PALLD: variants seen among roughly 807,000 people sequenced by gnomAD.
PALLD encodes palladin.
In PALLD, 61 loss-of-function variants were observed where a neutral mutation model predicts 123.5. The ratio of observed to expected loss-of-function variants is 0.49; its 90% CI spans 0.40 to 0.61. The LOEUF (loss-of-function observed/expected upper bound fraction) is 0.61. PALLD is among the 20% of genes least tolerant of loss of function. The probability of loss-of-function intolerance (pLI) is 0.00; values close to 1 mark genes in which losing one functional copy is unlikely to be tolerated. For missense variants in PALLD, 1,273 were observed against 1,377.0 expected, an observed-to-expected ratio of 0.92 and a Z score of 1.20; for synonymous variants, 465 against 496.4, an observed-to-expected ratio of 0.94 and a Z score of 0.84.
At chr4:168,827,033 G>A (rs1743512495) in intron 10 of PALLD, among the ~76,000 whole-genome samples, 1 of 152,116 alleles carries the variant, frequency 6.6e-6, no homozygotes, top group Admixed American at 6.5e-5. Context: ...TCGTAGCGTG[G>A]CCTTTCTTTA....
rs1372640336 is a variant in PALLD, at chr4:168,671,488, C to T, written c.1087+3120C>T. ...TGGGTACCTCTGACTATAGATAGATCGTATGTGACTTTAGATAAATTGAAG... is the reference window on the plus strand; with the variant it reads ...TGGGTACCTCTGACTATAGATAGATTGTATGTGACTTTAGATAAATTGAAG... On this transcript the variant is annotated intron_variant, in intron 3 of 21. Coordinates refer to ENST00000505667, the MANE Select transcript of PALLD (RefSeq NM_001166108.2). Among the ~76,000 whole-genome samples the T allele has an allele frequency of 3.9e-5, 6 of 152,068 alleles. No individual in the cohort carries two copies. The East Asian group carries it at 5.8e-4, about 15-fold the overall frequency.
At chr4:168,636,306 A>G (rs1401231343) in intron 2 of PALLD, among the ~76,000 whole-genome samples, 2 of 152,160 alleles carry the variant, frequency 1.3e-5, no homozygotes, top group Admixed American at 1.3e-4. Flanking sequence ...TGGGCAACAT[A>G]GTGAGACCCC....
At chr4:168,898,396 T>C (rs1264329581) in intron 13 of PALLD, 97 bp from the exon 14 acceptor site, 1 of 790,310 alleles carries the variant, frequency 1.3e-6, no homozygotes, top group East Asian at 2.6e-5. Context: ...ATGGTAAAAA[T>C]ATCACTGTCT....
intron 11 of PALLD, 103 bp downstream of exon 11, chr4:168,891,160 A>G: frequency 9.2e-7 from 1 of 1,085,484 alleles, no homozygotes; most frequent in Non-Finnish European, 1.4e-6. Context: ...CAACATCATC[A>G]TTATTATTAT....
At chr4:168,541,850 G>A (rs984331110) in intron 2 of PALLD, among the ~76,000 whole-genome samples, 3 of 152,144 alleles carry the variant, frequency 2.0e-5, no homozygotes, top group Admixed American at 1.3e-4. Flanking sequence ...GTTGAAAAGT[G>A]TCCCTTCCAG....
intron 2 of PALLD, among the ~76,000 whole-genome samples, chr4:168,660,741 T>C (rs1236975271): frequency 6.6e-6 from 1 of 152,180 alleles, no homozygotes. Context: ...CTATAATCCT[T>C]TATGAACAAG....
At chr4:168,808,925 C>T (rs1455989602) in intron 10 of PALLD, among the ~76,000 whole-genome samples, 1 of 152,160 alleles carries the variant, frequency 6.6e-6, no homozygotes, top group Non-Finnish European at 1.5e-5. Context: ...ACAGCCAAAC[C>T]ATATCAAGTA....
At chr4:168,606,441 G>A (rs1219154219) in intron 2 of PALLD, among the ~76,000 whole-genome samples, 6 of 152,000 alleles carry the variant, frequency 3.9e-5, no homozygotes, top group Admixed American at 2.0e-4. Flanking sequence ...TTGGGAGGCC[G>A]AGGAGGGTGG....
At chr4:168,920,891 A>T (rs889307343) in intron 17 of PALLD, among the ~76,000 whole-genome samples, 11 of 152,140 alleles carry the variant, frequency 7.2e-5, no homozygotes, top group African/African-American at 2.7e-4. Context: ...TTATTGTTGG[A>T]CATCTTTTTT....
At position 168,709,083 on chromosome 4, in the gene PALLD, T is replaced by C. The variant is rs747089184; in HGVS notation, c.1557T>C (p.Phe519=). The C allele has an allele frequency of 1.4e-5, 22 of 1,613,418 alleles. No individual in the cohort carries two copies. The highest frequency in any genetic ancestry group is 3.3e-5 in the Admixed American group (2 of 60,006). The change falls in exon 9 of 22, where the codon TTT becomes TTC. Residue 519 remains phenylalanine (F), a synonymous_variant. Coordinates refer to ENST00000505667, the MANE Select transcript of PALLD (RefSeq NM_001166108.2). ...AETFPEDAGI[F]TCSARNDYGS... The stretch of plus-strand genomic sequence containing the variant: ...CTTTCCCTGAAGATGCAGGGATCTT[T>C]ACATGTTCAGCAAGAAATGATTATG...
At chr4:168,801,793 T>C (rs17708450) in intron 10 of PALLD, among the ~76,000 whole-genome samples, 34,241 of 152,144 alleles carry the variant, frequency 0.23, 4,035 homozygotes, top group African/African-American at 0.3. Context: ...TCAGGGAACC[T>C]GCCTGCTGCT....
chr4:168,654,386 A>G (rs1185978241), intron 2 of PALLD, among the ~76,000 whole-genome samples: 2 of 152,168 alleles, frequency 1.3e-5, no homozygotes, highest in East Asian at 3.9e-4. Context: ...GCTTTAGGGC[A>G]TACAGGATAT....
In PALLD at chr4:168,896,638, C is replaced by G. The variant is rs780011911; in HGVS notation, c.2250+39C>G. On this transcript the variant is annotated intron_variant, in intron 13 of 21. Coordinates refer to ENST00000505667, the MANE Select transcript of PALLD (RefSeq NM_001166108.2). ...CCTTTCTTCTCCTTCCAGTCTTTCT[C>G]TGTGTCTGTTTTCTTCTGTTCTTCC... The G allele has an allele frequency of 5.1e-6, 6 of 1,186,728 alleles. No homozygotes were observed. In the South Asian group the frequency reaches 8.0e-5, roughly 16 times the overall value. The allele number at this position is 1,186,728 out of a possible 1,614,324, so 73.5% of individuals were successfully genotyped here. A position where few individuals can be genotyped will look rare whatever the true frequency, so the allele number is the denominator to read the frequency against.
At chr4:168,559,166 T>C (rs910601835) in intron 2 of PALLD, among the ~76,000 whole-genome samples, 3 of 151,150 alleles carry the variant, frequency 2.0e-5, no homozygotes, top group Non-Finnish European at 4.4e-5. Context: ...TTTTTAGCCA[T>C]AACAAGATTT....
At chr4:168,745,364 C>T (rs1427540163) in intron 10 of PALLD, among the ~76,000 whole-genome samples, 1 of 150,462 alleles carries the variant, frequency 6.6e-6, no homozygotes, top group Non-Finnish European at 1.5e-5. Flanking sequence ...ATTGGGTACC[C>T]CAATCTATAT....
At chr4:168,646,896 G>A (rs568846422) in intron 2 of PALLD, among the ~76,000 whole-genome samples, 5 of 151,986 alleles carry the variant, frequency 3.3e-5, no homozygotes, top group Admixed American at 6.6e-5. Flanking sequence ...AATACTCAAG[G>A]CCTTTCTAAA....
chr4:168,717,631 G>T (rs956223796), intron 10 of PALLD, among the ~76,000 whole-genome samples: 1 of 152,196 alleles, frequency 6.6e-6, no homozygotes, highest in African/African-American at 2.4e-5. Context: ...GATATCAGGT[G>T]TGAGCCACCA....
chr4:168,633,524 T>A (rs892044777), intron 2 of PALLD, among the ~76,000 whole-genome samples: 3 of 152,234 alleles, frequency 2.0e-5, no homozygotes, highest in Admixed American at 2.0e-4. Flanking sequence ...GAAAGAGACC[T>A]ACTTTGATCA....
Position 168,711,669 on chromosome 4 carries a change from G to A in PALLD, c.1710G>A (p.Glu570=), listed in dbSNP as rs1784851287. The part of the protein sequence containing the change: ...QHFPPPPPIL[E]TSSLELASKK... ...TTCCACCTCCCCCTCCAATCTTGGA[G>A]ACAAGTTCCTTGGAGTTGGCTTCAA... The change falls in exon 10 of 22, where the codon GAG becomes GAA. Residue 570 remains glutamate, a synonymous_variant. Coordinates refer to ENST00000505667, the MANE Select transcript of PALLD (RefSeq NM_001166108.2). The A allele has an allele frequency of 6.2e-7, 1 of 1,614,106 alleles. No homozygotes were observed. The highest frequency in any genetic ancestry group is 8.5e-7 in the Non-Finnish European group (1 of 1,180,004).
Sources: allele counts gnomAD v4.1 joint callset (sites outside exome capture counted in the v4.1 genomes callset), GRCh38; gene constraint gnomAD v4.1.1; transcripts MANE v1.5; gene names NCBI Gene and HGNC (gene_info 2026-07-23, HGNC 2026-07-21).